DMD: variants seen among roughly 807,000 people sequenced by gnomAD.
DMD encodes the protein dystrophin, also known as mutant dystrophin.
Under a neutral mutation model 330.1 loss-of-function variants are expected in DMD, and 63 were observed. That is an observed-to-expected ratio of 0.19 (90% confidence interval 0.16 to 0.24). The LOEUF is 0.24. Among genes scored for constraint, DMD ranks in the 10% least tolerant of loss-of-function variants. The pLI is 1.00. For synonymous variants in DMD, 1,223 were observed against 959.8 expected, an observed-to-expected ratio of 1.27 and a Z score of -5.07; for missense variants, 3,344 against 2,684.1, an observed-to-expected ratio of 1.25 and a Z score of -5.43.
At chrX:31,196,037 T>C (rs1192650144) in intron 67 of DMD, among the ~76,000 whole-genome samples, 1 of 111,849 alleles carries the variant, frequency 8.9e-6, no homozygotes, top group African/African-American at 3.2e-5. Flanking sequence ...AAAACATCCA[T>C]TACTCCAATA....
intron 29 of DMD, among the ~76,000 whole-genome samples, chrX:32,418,908 G>A (rs1425641604): frequency 1.0e-5 from 1 of 99,040 alleles, no homozygotes; most frequent in East Asian, 3.1e-4. Context: ...GGGAGGTAGA[G>A]CTGGCAGTGA....
chrX:32,853,855 A>G (rs1296050699), intron 2 of DMD, among the ~76,000 whole-genome samples: 1 of 110,205 alleles, frequency 9.1e-6, no homozygotes, highest in African/African-American at 3.3e-5. Context: ...CTTCACCTAC[A>G]AAGCCAGACT....
chrX:31,347,979 G>A (rs2058190152), intron 61 of DMD, among the ~76,000 whole-genome samples: 2 of 111,893 alleles, frequency 1.8e-5, no homozygotes, highest in Non-Finnish European at 3.8e-5. Flanking sequence ...GTGATGTTGA[G>A]CATTTTTTCA....
intron 2 of DMD, among the ~76,000 whole-genome samples, chrX:33,013,170 T>G (rs1189761644): frequency 2.7e-5 from 3 of 110,845 alleles, no homozygotes; most frequent in African/African-American, 9.8e-5. Context: ...TCCATTTTCT[T>G]GGGTCCTAGC....
intron 44 of DMD, among the ~76,000 whole-genome samples, chrX:31,994,076 A>C (rs900621243): frequency 2.7e-5 from 3 of 111,617 alleles, no homozygotes; most frequent in African/African-American, 9.8e-5. Flanking sequence ...ACAAGACTCC[A>C]TAAACTAAAG....
At chrX:33,220,537 C>G (rs989287184) in intron 1 of DMD, among the ~76,000 whole-genome samples, 1 of 111,635 alleles carries the variant, frequency 9.0e-6, no homozygotes, top group African/African-American at 3.3e-5. Flanking sequence ...AGCTTTACTC[C>G]CTTTTTGCAT....
chrX:31,261,174 T>C (rs2050474768), intron 62 of DMD, 158 bp from the exon 63 acceptor site: 1 of 471,382 alleles, frequency 2.1e-6, no homozygotes. Flanking sequence ...AAGAAATGTT[T>C]ATCTTACAAG....
At chrX:32,902,764 G>A (rs1357984826) in intron 2 of DMD, among the ~76,000 whole-genome samples, 2 of 110,602 alleles carry the variant, frequency 1.8e-5, no homozygotes, top group South Asian at 7.5e-4. Flanking sequence ...GAGAAAAAAG[G>A]TAAAACATGA....
At chrX:32,485,398 T>G (rs1569564734) in intron 20 of DMD, among the ~76,000 whole-genome samples, 1 of 110,942 alleles carries the variant, frequency 9.0e-6, no homozygotes, top group Non-Finnish European at 1.9e-5. Flanking sequence ...TGCATGACCT[T>G]AAATCCTTTC....
At chrX:32,625,913 T>A (rs892576906) in intron 11 of DMD, among the ~76,000 whole-genome samples, 2 of 111,235 alleles carry the variant, frequency 1.8e-5, no homozygotes, top group East Asian at 2.8e-4. Context: ...AAAATACACC[T>A]AATAAAAGGA....
intron 60 of DMD, among the ~76,000 whole-genome samples, chrX:31,432,038 C>T (rs984145958): frequency 2.7e-5 from 3 of 111,141 alleles, no homozygotes; most frequent in East Asian, 2.8e-4. Context: ...TGGTCTCGAA[C>T]GCCTGACCTC....
Position 32,573,906 on chromosome X carries a change from A to T in DMD, c.1603-60T>A. ...ACAATTGGTAACTACGTTTTATTAA[A>T]AATGGCATGAATAATTTGCCAAAGT... On this transcript the variant is annotated intron_variant, in intron 13 of 78. Coordinates refer to ENST00000357033, the MANE Select transcript of DMD (RefSeq NM_004006.3). 3.0e-6 allele frequency: 3 copies of T among 1,004,508 alleles called. No individual in the cohort carries two copies. In the South Asian group the frequency reaches 5.9e-5, roughly 20 times the overall value. The allele number at this position is 1,004,508 out of a possible 1,213,427, so 82.8% of individuals were successfully genotyped here.
intron 1 of DMD, among the ~76,000 whole-genome samples, chrX:33,305,265 T>A (rs1191189440): frequency 2.8e-5 from 3 of 106,019 alleles, no homozygotes; most frequent in Admixed American, 1.0e-4. Context: ...ATGTCCTTTG[T>A]AGGGACATGG....
intron 1 of DMD, among the ~76,000 whole-genome samples, chrX:33,083,042 AAGAG>A (rs759997903): frequency 8.3e-5 from 9 of 108,132 alleles, no homozygotes; most frequent in South Asian, 3.9e-4. Flanking sequence ...AATGCAGAGA[AAGAG>A]AGAGAGAGAG....
chrX:32,853,256 A>T (rs1254558428), intron 2 of DMD, among the ~76,000 whole-genome samples: 1 of 112,052 alleles, frequency 8.9e-6, no homozygotes, highest in Admixed American at 9.5e-5. Flanking sequence ...CTAGCCAGAA[A>T]AACCATCTGA....
chrX:32,839,169 C>G (rs760434826), intron 4 of DMD, among the ~76,000 whole-genome samples: 1 of 111,079 alleles, frequency 9.0e-6, no homozygotes, highest in Non-Finnish European at 1.9e-5. Context: ...TACTACCTCT[C>G]TGCTCCCCTA....
chrX:32,517,273 A>G (rs2045947436), intron 18 of DMD: 1 of 112,190 alleles, frequency 8.9e-6, no homozygotes, highest in Admixed American at 9.5e-5. Flanking sequence ...GTTAGAAATT[A>G]TTTTACAAAC....
At chrX:32,054,885 G>GGGA (rs2096155679) in intron 44 of DMD, among the ~76,000 whole-genome samples, 3 of 85,179 alleles carry the variant, frequency 3.5e-5, no homozygotes, top group Non-Finnish European at 7.0e-5. Context: ...GAGGGGAGGG[G>GGGA]AGGGGAGGGG....
At chrX:32,454,962 A>G (rs906041634) in intron 25 of DMD, 130 bp from the exon 26 acceptor site, 19 of 721,789 alleles carry the variant, frequency 2.6e-5, no homozygotes, top group South Asian at 3.0e-5. Flanking sequence ...GCTTATATGC[A>G]TAAGAAAATA....
Sources: gnomAD v4.1 joint callset for allele counts (sites outside exome capture counted in the v4.1 genomes callset) on GRCh38, gnomAD v4.1.1 for gene constraint, MANE v1.5 for transcripts, NCBI Gene and HGNC (gene_info 2026-07-23, HGNC 2026-07-21) for gene names.